PCDH9: variants seen among roughly 807,000 people sequenced by gnomAD.
PCDH9 encodes the protein protocadherin-9.
Under a neutral mutation model 70.6 loss-of-function variants are expected in PCDH9, and 24 were observed. That is an observed-to-expected ratio of 0.34 (90% CI 0.25 to 0.48). The LOEUF is 0.48. Ranked by LOEUF, PCDH9 falls within the 20% of genes least tolerant of loss-of-function variation. The pLI, the probability that PCDH9 is intolerant of heterozygous loss-of-function variation, is 0.99. For missense variants in PCDH9, 1,281 were observed against 1,503.6 expected (o/e 0.85, Z 2.45); for synonymous variants, 562 against 558.5 (o/e 1.01, Z -0.09).
chr13:67,032,156 G>A (rs1171596102), intron 2 of PCDH9, among the ~76,000 whole-genome samples: 2 of 151,818 alleles, frequency 1.3e-5, no homozygotes, highest in African/African-American at 4.8e-5. Flanking sequence ...CTTTTTTGGG[G>A]GGGTGAGGGA....
chr13:66,889,516 T>A (rs2082062473), intron 3 of PCDH9, among the ~76,000 whole-genome samples: 2 of 152,138 alleles, frequency 1.3e-5, no homozygotes, highest in South Asian at 4.1e-4. Flanking sequence ...GTATTTTCAA[T>A]GAAGTGACTC....
At chr13:66,653,359 T>C (rs1283755262) in intron 3 of PCDH9, among the ~76,000 whole-genome samples, 1 of 152,102 alleles carries the variant, frequency 6.6e-6, no homozygotes, top group East Asian at 1.9e-4. Flanking sequence ...AAGATCTGAA[T>C]AGACATTTCT....
chr13:67,033,193 A>G (rs2084940861), intron 2 of PCDH9, among the ~76,000 whole-genome samples: 1 of 152,178 alleles, frequency 6.6e-6, no homozygotes, highest in Admixed American at 6.5e-5. Context: ...GCTACCAATC[A>G]GTACTTCTTT....
At chr13:66,642,373 CA>C (rs1171378580) in intron 3 of PCDH9, among the ~76,000 whole-genome samples, 1 of 151,790 alleles carries the variant, frequency 6.6e-6, no homozygotes, top group Non-Finnish European at 1.5e-5. Context: ...GACCAGGTAA[CA>C]AAAAATTATT....
chr13:66,408,050 C>CTTT (rs34109335), intron 4 of PCDH9, among the ~76,000 whole-genome samples: 2,866 of 132,186 alleles, frequency 0.022, 102 homozygotes, highest in Non-Finnish European at 0.029. Context: ...GCAGGGATCA[C>CTTT]TTTTTTTTTT....
intron 2 of PCDH9, chr13:67,209,491 C>T (rs2138077599): frequency 6.6e-6 from 1 of 152,172 alleles, no homozygotes; most frequent in East Asian, 1.9e-4. Context: ...TAGACCGATC[C>T]ATCTACAGTG....
At chr13:66,779,955 T>C (rs1401062649) in intron 3 of PCDH9, among the ~76,000 whole-genome samples, 1 of 143,122 alleles carries the variant, frequency 7.0e-6, no homozygotes, top group Non-Finnish European at 1.5e-5. Context: ...TGAGAAAAGA[T>C]GGAGAAATAG....
chr13:67,119,911 G>A (rs1446652363), intron 2 of PCDH9, among the ~76,000 whole-genome samples: 1 of 152,018 alleles, frequency 6.6e-6, no homozygotes, highest in East Asian at 1.9e-4. Context: ...GCACTCAGTG[G>A]CTTTTGTTTA....
intron 4 of PCDH9, among the ~76,000 whole-genome samples, chr13:66,328,472 T>A (rs1266797175): frequency 1.3e-5 from 2 of 152,224 alleles, no homozygotes; most frequent in Non-Finnish European, 2.9e-5. Flanking sequence ...TTCATTATTT[T>A]ATTTTTATCT....
chr13:66,588,296 G>C (rs1411659563), intron 4 of PCDH9, among the ~76,000 whole-genome samples: 6 of 151,740 alleles, frequency 4.0e-5, no homozygotes, highest in African/African-American at 1.5e-4. Context: ...TTACCTCAAA[G>C]GCCTTCTAAT....
chr13:66,321,283 A>G (rs892977284), intron 4 of PCDH9, among the ~76,000 whole-genome samples: 1 of 152,080 alleles, frequency 6.6e-6, no homozygotes, highest in Admixed American at 6.6e-5. Context: ...ATAACGATGT[A>G]ATGATTTCTT....
chr13:66,935,291 A>G (rs1338777621), intron 2 of PCDH9, among the ~76,000 whole-genome samples: 1 of 151,914 alleles, frequency 6.6e-6, no homozygotes, highest in Non-Finnish European at 1.5e-5. Flanking sequence ...CCCGGGCTCA[A>G]ATGATCCTCC....
chr13:67,118,457 A>G (rs1317450416), intron 2 of PCDH9, among the ~76,000 whole-genome samples: 2 of 152,178 alleles, frequency 1.3e-5, no homozygotes, highest in Non-Finnish European at 2.9e-5. Flanking sequence ...TGTGAAATGC[A>G]TAAGCCAACA....
intron 3 of PCDH9, among the ~76,000 whole-genome samples, chr13:66,836,997 G>C (rs2081032998): frequency 6.6e-6 from 1 of 152,096 alleles, no homozygotes. Context: ...CTAAAAATCA[G>C]CACCCTCCCC....
chr13:66,384,645 A>T (rs1218097384), intron 4 of PCDH9, among the ~76,000 whole-genome samples: 1 of 152,008 alleles, frequency 6.6e-6, no homozygotes, highest in East Asian at 1.9e-4. Context: ...CAACCTACAT[A>T]TCTGCCATTT....
At chr13:67,048,079 C>T (rs1010036363) in intron 2 of PCDH9, among the ~76,000 whole-genome samples, 4 of 152,154 alleles carry the variant, frequency 2.6e-5, no homozygotes, top group African/African-American at 7.2e-5. Context: ...CCCTGACCAT[C>T]GACCTCAAAA....
At chr13:67,169,777 TAAGA>T (rs2088226108) in intron 2 of PCDH9, among the ~76,000 whole-genome samples, 1 of 152,214 alleles carries the variant, frequency 6.6e-6, no homozygotes, top group African/African-American at 2.4e-5. Flanking sequence ...ACCAAGATCT[TAAGA>T]AAGTAAATTA....
At chr13:66,693,469 A>G (rs2078516373) in intron 3 of PCDH9, among the ~76,000 whole-genome samples, 1 of 152,176 alleles carries the variant, frequency 6.6e-6, no homozygotes, top group Admixed American at 6.5e-5. Context: ...AATTACCAAT[A>G]AAAACTTGGT....
intron 4 of PCDH9, among the ~76,000 whole-genome samples, chr13:66,393,883 T>C (rs1593906307): frequency 6.6e-6 from 1 of 152,138 alleles, no homozygotes; most frequent in Non-Finnish European, 1.5e-5. Context: ...GAAATATTTA[T>C]TGAATAAGTG....
Sources: allele counts gnomAD v4.1 joint callset (sites outside exome capture counted in the v4.1 genomes callset), GRCh38; gene constraint gnomAD v4.1.1; transcripts MANE v1.5; gene names NCBI Gene and HGNC (gene_info 2026-07-23, HGNC 2026-07-21).